Variants in AMOTL1 observed in about 807,000 individuals in gnomAD.
The protein encoded by AMOTL1 is angiomotin-like protein 1.
A neutral mutation model predicts 102.9 loss-of-function variants in AMOTL1; 45 were observed. The ratio of observed to expected loss-of-function variants is 0.44; its 90% CI spans 0.34 to 0.56. The LOEUF (loss-of-function observed/expected upper bound fraction) is 0.56. AMOTL1 is among the 20% of genes least tolerant of loss of function. The pLI, the probability that AMOTL1 is intolerant of heterozygous loss-of-function variation, is 0.01. For missense variants in AMOTL1, 1,114 were observed against 1,225.6 expected (o/e 0.91, Z 1.36); for synonymous variants, 481 against 484.7 (o/e 0.99, Z 0.10).
chr11:94,824,566 C>T (rs1012810521), intron 4 of AMOTL1, among the ~76,000 whole-genome samples: 6 of 152,214 alleles, frequency 3.9e-5, no homozygotes, highest in African/African-American at 1.4e-4. Flanking sequence ...AACTTCGTGA[C>T]GTAACATTTT....
intron 6 of AMOTL1, among the ~76,000 whole-genome samples, chr11:94,840,681 T>TATATAC (rs1166713705): frequency 6.7e-5 from 7 of 104,808 alleles, no homozygotes; most frequent in African/African-American, 1.6e-4. Context: ...TATATATATA[T>TATATAC]ACACACACAC....
intron 1 of AMOTL1, among the ~76,000 whole-genome samples, chr11:94,714,273 T>C (rs1409672793): frequency 6.6e-6 from 1 of 152,100 alleles, no homozygotes; most frequent in African/African-American, 2.4e-5. Context: ...TATACATTGC[T>C]GGATTCAATT....
chr11:94,843,577 T>C (rs1390820103), intron 6 of AMOTL1, among the ~76,000 whole-genome samples: 1 of 152,204 alleles, frequency 6.6e-6, no homozygotes, highest in Non-Finnish European at 1.5e-5. Flanking sequence ...ACCCTATAAA[T>C]TGTAGCTGTC....
chr11:94,734,462 C>T (rs1304071274), intron 2 of AMOTL1, among the ~76,000 whole-genome samples: 1 of 152,226 alleles, frequency 6.6e-6, no homozygotes, highest in Admixed American at 6.5e-5. Context: ...CCAATTCAGC[C>T]TGGGAGCTAA....
chr11:94,715,884 T>C, intron 1 of AMOTL1, among the ~76,000 whole-genome samples: 1 of 151,916 alleles, frequency 6.6e-6, no homozygotes, highest in Admixed American at 6.6e-5. Context: ...TTCTTGAATC[T>C]ATGTGTTTAT....
chr11:94,840,305 G>C (rs1450512614), intron 6 of AMOTL1, among the ~76,000 whole-genome samples: 1 of 152,100 alleles, frequency 6.6e-6, no homozygotes, highest in Non-Finnish European at 1.5e-5. Flanking sequence ...AACTTTTGAG[G>C]GGACAAAGTG....
intron 1 of AMOTL1, among the ~76,000 whole-genome samples, chr11:94,713,657 G>A (rs1250988838): frequency 1.3e-5 from 2 of 151,806 alleles, no homozygotes; most frequent in Non-Finnish European, 2.9e-5. Flanking sequence ...ATATTGCATT[G>A]TTATACTTCA....
At chr11:94,710,680 A>G (rs1281406332) in intron 1 of AMOTL1, among the ~76,000 whole-genome samples, 1 of 152,192 alleles carries the variant, frequency 6.6e-6, no homozygotes, top group Non-Finnish European at 1.5e-5. Flanking sequence ...CAGGTGCTCA[A>G]GATAAGTGTT....
At chr11:94,851,910 A>G (rs1011906342) in intron 7 of AMOTL1, among the ~76,000 whole-genome samples, 1 of 152,250 alleles carries the variant, frequency 6.6e-6, no homozygotes, top group African/African-American at 2.4e-5. Context: ...CAATTGCTTA[A>G]GGATAGTATT....
chr11:94,770,934 A>T (rs1950939812), intron 1 of AMOTL1, among the ~76,000 whole-genome samples: 1 of 152,138 alleles, frequency 6.6e-6, no homozygotes, highest in African/African-American at 2.4e-5. Flanking sequence ...AAAAGTGTGG[A>T]CCCAGGGCCT....
At position 94,710,329 on chromosome 11, in the gene AMOTL1, A is replaced by G. The variant is rs1216513042; in HGVS notation, c.-51+3732A>G. Among the ~76,000 whole-genome samples, 7 of 152,224 alleles carry G rather than the reference A, an allele frequency of 4.6e-5. No homozygotes were observed. In the East Asian group the frequency reaches 1.3e-3, roughly 29 times the overall value. On this transcript the variant is annotated intron_variant, in intron 1 of 4. Coordinates refer to the AMOTL1 transcript ENST00000299004. The stretch of plus-strand genomic sequence containing the variant: ...GTGAAGACACATAGACTATTGGTTA[A>G]AAGTATGAATTTTGAAGTCAGATGA...
chr11:94,825,250 A>T (rs1951940703), intron 4 of AMOTL1, among the ~76,000 whole-genome samples: 1 of 152,216 alleles, frequency 6.6e-6, no homozygotes, highest in African/African-American at 2.4e-5. Context: ...CAGTTACCCC[A>T]GGCTTGCTTT....
chr11:94,707,540 G>A (rs1949950629), intron 1 of AMOTL1, among the ~76,000 whole-genome samples: 1 of 152,118 alleles, frequency 6.6e-6, no homozygotes, highest in South Asian at 2.1e-4. Flanking sequence ...GCCACATATA[G>A]TATTTGGCAC....
intron 6 of AMOTL1, among the ~76,000 whole-genome samples, chr11:94,840,846 A>G (rs1952288588): frequency 6.6e-6 from 1 of 151,844 alleles, no homozygotes; most frequent in Admixed American, 6.6e-5. Flanking sequence ...TTCAATTAAG[A>G]CATTATTTAC....
At chr11:94,843,470 A>G (rs1412068838) in intron 6 of AMOTL1, among the ~76,000 whole-genome samples, 1 of 152,190 alleles carries the variant, frequency 6.6e-6, no homozygotes, top group Non-Finnish European at 1.5e-5. Context: ...AGTAAATGAA[A>G]TATCTTCCTA....
In AMOTL1 at chr11:94,848,715, G is replaced by T. The variant is rs542422509; in HGVS notation, c.1649-1399G>T. ...GGAGAACTGGATGTTGATGTTTCCT[G>T]TGATCCTTTCTGGCTCTAAAGTTGT... On this transcript the variant is annotated intron_variant, in intron 6 of 12. Coordinates refer to ENST00000433060, the MANE Select transcript of AMOTL1 (RefSeq NM_130847.3). Among the ~76,000 whole-genome samples the T allele has an allele frequency of 2.0e-5, 3 of 152,288 alleles. No homozygotes were observed. In the South Asian group the frequency reaches 6.2e-4, roughly 32 times the overall value.
intron 1 of AMOTL1, among the ~76,000 whole-genome samples, chr11:94,708,903 G>T (rs1294936374): frequency 6.6e-6 from 1 of 152,168 alleles, no homozygotes; most frequent in African/African-American, 2.4e-5. Context: ...GAGTAAACAG[G>T]TCTGCAAATA....
intron 7 of AMOTL1, among the ~76,000 whole-genome samples, chr11:94,852,748 C>T (rs333027): frequency 0.32 from 48,232 of 151,972 alleles, 8,846 homozygotes; most frequent in African/African-American, 0.47. Context: ...TCTTCAAGGC[C>T]CCAACTACCT....
intron 1 of AMOTL1, among the ~76,000 whole-genome samples, chr11:94,724,637 T>C (rs1312702859): frequency 6.6e-6 from 1 of 152,184 alleles, no homozygotes; most frequent in Non-Finnish European, 1.5e-5. Flanking sequence ...TTCATATACA[T>C]GTCTCCTCCT....
Sources: allele counts gnomAD v4.1 joint callset (sites outside exome capture counted in the v4.1 genomes callset), GRCh38; gene constraint gnomAD v4.1.1; transcripts MANE v1.5; gene names NCBI Gene and HGNC (gene_info 2026-07-23, HGNC 2026-07-21).